The following EZR variants were observed in gnomAD, a reference collection of about 807,000 sequenced individuals.
The protein encoded by EZR is ezrin.
A neutral mutation model predicts 74.8 loss-of-function variants in EZR; 40 were observed. The observed-to-expected ratio is 0.53, with a 90% CI of 0.42 to 0.70. EZR has a LOEUF of 0.70. Among genes scored for constraint, EZR ranks in the 30% least tolerant of loss-of-function variants. The pLI is 0.00. For synonymous variants in EZR, 341 were observed against 283.3 expected (o/e 1.20, Z -2.05); for missense variants, 678 against 755.8 (o/e 0.90, Z 1.21).
chr6:158,771,553 A>G, intron 8 of EZR, 146 bp from the exon 9 acceptor site: 1 of 833,428 alleles, frequency 1.2e-6, no homozygotes, highest in Non-Finnish European at 1.8e-6. Flanking sequence ...AGGAATGTGC[A>G]TTCTCCAGGA....
intron 2 of EZR, 24 bp downstream of exon 2, chr6:158,818,058 C>T: frequency 1.2e-6 from 2 of 1,607,432 alleles, no homozygotes; most frequent in East Asian, 2.2e-5. Context: ...CCCGTCCGCC[C>T]GGCCCAGAAA....
At chr6:158,771,001 G>A in intron 9 of EZR, 107 bp from the exon 10 acceptor site, 1 of 1,544,002 alleles carries the variant, frequency 6.5e-7, no homozygotes, top group Non-Finnish European at 8.8e-7. Flanking sequence ...TTGGTATCCT[G>A]AGGGCCACCC....
At position 158,769,309 on chromosome 6, in the gene EZR, C is replaced by A. The variant is rs759792373; in HGVS notation, c.1344+17G>T. 1.2e-6 allele frequency: 2 copies of A among 1,605,814 alleles called. No homozygotes were observed. Among genetic ancestry groups the A allele is most frequent in the Non-Finnish European group, 1.7e-6 (2 of 1,178,520 alleles). ...AGGTGCTGTGGCCGTGCGGAGGTGT[C>A]CCCCGTGCAGACTCACCCTGTGCTG... On this transcript the variant is annotated intron_variant, in intron 12 of 13. Transcript: ENST00000367075.
chr6:158,794,602 A>G (rs1049203887), intron 2 of EZR, among the ~76,000 whole-genome samples: 4 of 152,170 alleles, frequency 2.6e-5, no homozygotes, highest in African/African-American at 4.8e-5. Flanking sequence ...GACTGGAGAA[A>G]AAGAGCGCGT....
chr6:158,769,107 C>CT (rs1450200771), intron 12 of EZR, among the ~76,000 whole-genome samples: 1 of 152,210 alleles, frequency 6.6e-6, no homozygotes, highest in African/African-American at 2.4e-5. Context: ...GCTGCACTGA[C>CT]TCGTGTACAA....
chr6:158,807,984 G>A (rs75124571), intron 2 of EZR, among the ~76,000 whole-genome samples: 4,466 of 152,294 alleles, frequency 0.029, 108 homozygotes, highest in Non-Finnish European at 0.044. Context: ...CAACCAAGCA[G>A]GTGATAATCC....
chr6:158,809,741 T>C (rs962564442), intron 2 of EZR, among the ~76,000 whole-genome samples: 3 of 152,270 alleles, frequency 2.0e-5, no homozygotes, highest in African/African-American at 7.2e-5. Flanking sequence ...ATTATTTTTA[T>C]GCTAGAAGCA....
Position 158,818,163 on chromosome 6 carries a change from C to CA in EZR, c.-71dup. ...TCCAGCAGCAGCGAAGACGCTGTCC[C>CA]AACCTGGAGTCAGAGCAGAACCCTT... On this transcript the variant is annotated 5_prime_UTR_variant, in exon 2 of 14. Coordinates refer to ENST00000367075, the MANE Select transcript of EZR (RefSeq NM_001111077.2). 1.3e-6 allele frequency: 2 copies of CA among 1,579,942 alleles called. No individual in the cohort carries two copies. Among genetic ancestry groups the CA allele is most frequent in the Non-Finnish European group, 1.7e-6 (2 of 1,153,362 alleles).
At chr6:158,774,033 G>C (rs1483220567) in intron 8 of EZR, among the ~76,000 whole-genome samples, 1 of 152,202 alleles carries the variant, frequency 6.6e-6, no homozygotes. Flanking sequence ...GGTGAGAACT[G>C]GACAAAGACT....
intron 8 of EZR, among the ~76,000 whole-genome samples, chr6:158,771,661 G>C (rs568716946): frequency 6.6e-6 from 1 of 152,132 alleles, no homozygotes; most frequent in East Asian, 1.9e-4. Flanking sequence ...AGGAAGGGCA[G>C]GTGCCGCGTG....
chr6:158,800,096 T>C (rs1777158917), intron 2 of EZR, among the ~76,000 whole-genome samples: 2 of 152,194 alleles, frequency 1.3e-5, no homozygotes, highest in African/African-American at 2.4e-5. Flanking sequence ...CTGTTATAAA[T>C]AACATTCTTT....
intron 1 of EZR, among the ~76,000 whole-genome samples, chr6:158,818,974 G>A (rs1777630208): frequency 1.3e-5 from 2 of 152,166 alleles, no homozygotes; most frequent in African/African-American, 2.4e-5. Context: ...TTCACTTTGT[G>A]TAGCAACCGT....
intron 2 of EZR, among the ~76,000 whole-genome samples, chr6:158,816,356 T>C (rs1293469412): frequency 6.6e-6 from 1 of 152,102 alleles, no homozygotes; most frequent in Non-Finnish European, 1.5e-5. Context: ...ACCATAAAAA[T>C]AAATTACCAT....
intron 2 of EZR, among the ~76,000 whole-genome samples, chr6:158,803,114 C>G (rs1265540931): frequency 6.6e-6 from 1 of 152,024 alleles, no homozygotes; most frequent in African/African-American, 2.4e-5. Flanking sequence ...CTTAAAATGT[C>G]AAGGCTAAAT....
chr6:158,769,177 A>T (rs1250283676), intron 12 of EZR, 149 bp downstream of exon 12: 1 of 642,404 alleles, frequency 1.6e-6, no homozygotes, highest in African/African-American at 1.8e-5. Context: ...TTGGCAGAGG[A>T]TCATGAGACA....
At chr6:158,784,404 A>T (rs934721730) in intron 6 of EZR, among the ~76,000 whole-genome samples, 11 of 152,222 alleles carry the variant, frequency 7.2e-5, no homozygotes, top group Non-Finnish European at 1.5e-4. Flanking sequence ...CTACAAAGGG[A>T]GGGTGTAAGC....
intron 8 of EZR, among the ~76,000 whole-genome samples, 174 bp from the exon 9 acceptor site, chr6:158,771,581 C>T (rs1009958512): frequency 6.6e-6 from 1 of 151,794 alleles, no homozygotes; most frequent in Non-Finnish European, 1.5e-5. Context: ...AGGAAGGGCA[C>T]GTGCCGCGTG....
intron 6 of EZR, among the ~76,000 whole-genome samples, chr6:158,784,221 T>C (rs1791506434): frequency 6.6e-6 from 1 of 152,182 alleles, no homozygotes; most frequent in Admixed American, 6.5e-5. Flanking sequence ...CAGCCCCACG[T>C]CCAGGTTCTC....
intron 2 of EZR, among the ~76,000 whole-genome samples, chr6:158,816,828 G>A (rs142531992): frequency 6.6e-6 from 1 of 152,300 alleles, no homozygotes; most frequent in Non-Finnish European, 1.5e-5. Context: ...GCTCACGCCT[G>A]TAATCCTAGC....
Sources: allele counts gnomAD v4.1 joint callset (sites outside exome capture counted in the v4.1 genomes callset), GRCh38; gene constraint gnomAD v4.1.1; transcripts MANE v1.5; gene names NCBI Gene and HGNC (gene_info 2026-07-23, HGNC 2026-07-21).